Variants in RSU1 observed in about 807,000 individuals in gnomAD.
The protein encoded by RSU1 is Ras suppressor protein 1, also known as rsu-1.
In RSU1, 26 loss-of-function variants were observed where a neutral mutation model predicts 31.1. The observed-to-expected ratio is 0.84, with a 90% confidence interval of 0.61 to 1.16. The LOEUF (loss-of-function observed/expected upper bound fraction) is 1.16, where lower values mean the gene tolerates loss of function less well. RSU1 is among the 50% of genes most tolerant of loss of function. RSU1 has a pLI of 0.00. For missense variants in RSU1, 320 were observed against 339.1 expected, an observed-to-expected ratio of 0.94 and a Z score of 0.44; for synonymous variants, 164 against 136.3, an observed-to-expected ratio of 1.20 and a Z score of -1.41.
chr10:16,816,963 G>C lies in RSU1; in HGVS notation c.109+10C>G. 1.1e-5 allele frequency: 18 copies of C among 1,588,688 alleles called. No homozygotes were observed. Among genetic ancestry groups the C allele is most frequent in the Non-Finnish European group, 1.5e-5 (17 of 1,156,748 alleles). On this transcript the variant is annotated intron_variant, in intron 2 of 8. Coordinates refer to ENST00000345264, the MANE Select transcript of RSU1 (RefSeq NM_012425.4). ...GCTCATCCACGGGAGAGTCCTGCCC[G>C]AGAACTCACAGAGGCCGTTGACATC... is the stretch of plus-strand genomic sequence containing the variant.
At chr10:16,666,421 A>G (rs552667737) in intron 8 of RSU1, among the ~76,000 whole-genome samples, 41 of 152,242 alleles carry the variant, frequency 2.7e-4, no homozygotes, top group Non-Finnish European at 5.3e-4. Flanking sequence ...CTCAAATAAC[A>G]TGTTGATCTG....
chr10:16,768,483 G>C (rs906507465), intron 3 of RSU1, among the ~76,000 whole-genome samples: 1 of 150,980 alleles, frequency 6.6e-6, no homozygotes, highest in South Asian at 2.1e-4. Context: ...AGGTTTGCGG[G>C]AACAGTCCCA....
At chr10:16,765,939 T>G (rs1837304744) in intron 3 of RSU1, among the ~76,000 whole-genome samples, 1 of 152,166 alleles carries the variant, frequency 6.6e-6, no homozygotes. Context: ...TCTAAAATAT[T>G]TAAGCAGCTA....
chr10:16,607,842 G>C (rs1282949957), intron 8 of RSU1, among the ~76,000 whole-genome samples: 1 of 152,198 alleles, frequency 6.6e-6, no homozygotes, highest in Non-Finnish European at 1.5e-5. Flanking sequence ...GCTCTGGTTA[G>C]ATTATGGCAT....
chr10:16,708,031 T>A (rs1301890349), intron 7 of RSU1, among the ~76,000 whole-genome samples: 1 of 152,182 alleles, frequency 6.6e-6, no homozygotes, highest in Non-Finnish European at 1.5e-5. Flanking sequence ...GCTATAGGTA[T>A]GTAAATTTAT....
chr10:16,766,202 C>T (rs1472613774), intron 3 of RSU1, among the ~76,000 whole-genome samples: 1 of 152,202 alleles, frequency 6.6e-6, no homozygotes, highest in Non-Finnish European at 1.5e-5. Context: ...GGCCCCTGCG[C>T]GAGCTCCGGA....
At chr10:16,697,357 A>G (rs960036297) in intron 7 of RSU1, among the ~76,000 whole-genome samples, 4 of 152,216 alleles carry the variant, frequency 2.6e-5, no homozygotes, top group African/African-American at 9.6e-5. Context: ...GGTGTTTGGA[A>G]AAAATATGTG....
At chr10:16,786,281 T>A (rs968495183) in intron 2 of RSU1, among the ~76,000 whole-genome samples, 1 of 152,248 alleles carries the variant, frequency 6.6e-6, no homozygotes, top group Non-Finnish European at 1.5e-5. Flanking sequence ...CGGGTTATAA[T>A]CTATCATTAT....
At chr10:16,652,724 C>T (rs935169689) in intron 8 of RSU1, among the ~76,000 whole-genome samples, 1 of 152,042 alleles carries the variant, frequency 6.6e-6, no homozygotes, top group African/African-American at 2.4e-5. Context: ...ACTCTGCCAC[C>T]CAGGCTGGAG....
intron 7 of RSU1, among the ~76,000 whole-genome samples, chr10:16,744,764 T>C (rs1053708546): frequency 7.9e-5 from 12 of 152,204 alleles, no homozygotes; most frequent in Admixed American, 6.5e-5. Context: ...AAATTGCTTG[T>C]AATTATAAAA....
chr10:16,672,575 G>C (rs373856998), intron 8 of RSU1, among the ~76,000 whole-genome samples: 11 of 151,980 alleles, frequency 7.2e-5, no homozygotes, highest in African/African-American at 2.7e-4. Context: ...AAGAATGAAT[G>C]ACTCTCAAAA....
intron 7 of RSU1, among the ~76,000 whole-genome samples, chr10:16,709,782 C>T (rs1443972907): frequency 1.3e-5 from 2 of 152,142 alleles, no homozygotes; most frequent in African/African-American, 4.8e-5. Flanking sequence ...CTTTTGGCTG[C>T]ATAAATGTCT....
intron 1 of RSU1, 77 bp from the exon 2 acceptor site, chr10:16,817,161 A>G (rs1838557546): frequency 1.0e-6 from 1 of 996,532 alleles, no homozygotes; most frequent in Admixed American, 1.8e-5. Context: ...CTTCGCTGCC[A>G]CTCTGAGGCT....
chr10:16,628,435 T>C (rs1022701793), intron 8 of RSU1, among the ~76,000 whole-genome samples: 8 of 152,234 alleles, frequency 5.3e-5, no homozygotes, highest in Middle Eastern at 3.2e-3. Flanking sequence ...ACCTAATACT[T>C]AATTTCTTTC....
intron 8 of RSU1, among the ~76,000 whole-genome samples, chr10:16,631,807 A>G (rs1386162581): frequency 1.3e-5 from 2 of 152,118 alleles, no homozygotes; most frequent in South Asian, 2.1e-4. Flanking sequence ...TCTTGTTCCC[A>G]TTCTAGGATC....
chr10:16,643,455 T>A (rs1834480101), intron 8 of RSU1, among the ~76,000 whole-genome samples: 1 of 152,190 alleles, frequency 6.6e-6, no homozygotes, highest in Admixed American at 6.5e-5. Flanking sequence ...ACTTAAAATA[T>A]ATAAATTATA....
At chr10:16,626,489 C>T (rs924459362) in intron 8 of RSU1, among the ~76,000 whole-genome samples, 3 of 152,154 alleles carry the variant, frequency 2.0e-5, no homozygotes, top group African/African-American at 4.8e-5. Context: ...TTCATAAGCA[C>T]AATTCTAAAA....
chr10:16,630,952 G>C (rs952737968), intron 8 of RSU1, among the ~76,000 whole-genome samples: 2 of 152,196 alleles, frequency 1.3e-5, no homozygotes, highest in Non-Finnish European at 2.9e-5. Context: ...GCAAGGGTTT[G>C]GGTAGATTTC....
At chr10:16,665,945 A>G (rs1451629912) in intron 8 of RSU1, among the ~76,000 whole-genome samples, 2 of 152,214 alleles carry the variant, frequency 1.3e-5, no homozygotes, top group Non-Finnish European at 2.9e-5. Flanking sequence ...TCTGCCACAT[A>G]AAATAGCTAG....
Sources: gnomAD v4.1 joint callset for allele counts (sites outside exome capture counted in the v4.1 genomes callset) on GRCh38, gnomAD v4.1.1 for gene constraint, MANE v1.5 for transcripts, NCBI Gene and HGNC (gene_info 2026-07-23, HGNC 2026-07-21) for gene names.